The following CLIC5 variants were observed in gnomAD, a reference collection of about 807,000 sequenced individuals.
CLIC5 encodes chloride intracellular channel protein 5.
In CLIC5, 20 loss-of-function variants were observed where a neutral mutation model predicts 24.7. That is an observed-to-expected ratio of 0.81 (90% CI 0.57 to 1.18). CLIC5 has a LOEUF of 1.18. Among genes scored for constraint, CLIC5 ranks in the 50% most tolerant of loss-of-function variants. The pLI, the probability that CLIC5 is intolerant of heterozygous loss-of-function variation, is 0.00. For missense variants in CLIC5, 341 were observed against 326.1 expected, an observed-to-expected ratio of 1.05 and a Z score of -0.35; for synonymous variants, 159 against 135.6, an observed-to-expected ratio of 1.17 and a Z score of -1.20.
upstream of CLIC5, among the ~76,000 whole-genome samples, chr6:46,017,926 C>T (rs559825676): frequency 2.0e-5 from 3 of 152,328 alleles, no homozygotes; most frequent in Admixed American, 6.5e-5. Context: ...CCAAGCCCAA[C>T]GTGCAACTCT....
chr6:45,897,199 C>T (rs1398635039), downstream of CLIC5, among the ~76,000 whole-genome samples: 1 of 152,158 alleles, frequency 6.6e-6, no homozygotes, highest in Non-Finnish European at 1.5e-5. Flanking sequence ...GCCTCATACC[C>T]ACAATCAGAA....
At chr6:46,024,048 G>A (rs1182473140) in intron 1 of CLIC5, among the ~76,000 whole-genome samples, 4 of 152,242 alleles carry the variant, frequency 2.6e-5, no homozygotes, top group East Asian at 1.9e-4. Context: ...GGGTTGGGGG[G>A]AAAGCAAGGT....
At chr6:46,000,292 T>G (rs1354044674) in intron 1 of CLIC5, among the ~76,000 whole-genome samples, 1 of 152,164 alleles carries the variant, frequency 6.6e-6, no homozygotes, top group Non-Finnish European at 1.5e-5. Context: ...TAACTGTATA[T>G]ATGTAAAACA....
At chr6:46,123,212 C>A in the CLIC5 span, 1 of 152,192 alleles carries the variant, frequency 6.6e-6, no homozygotes, top group African/African-American at 2.4e-5. Context: ...AATCCAGCAG[C>A]ACATCAAAAA....
intron 6 of CLIC5, among the ~76,000 whole-genome samples, chr6:45,893,043 C>G (rs1762366451): frequency 6.6e-6 from 1 of 152,176 alleles, no homozygotes; most frequent in Admixed American, 6.5e-5. Context: ...AATTAAATAA[C>G]CACACGATAG....
the CLIC5 span, among the ~76,000 whole-genome samples, chr6:46,127,401 T>C: frequency 6.6e-6 from 1 of 152,228 alleles, no homozygotes; most frequent in African/African-American, 2.4e-5. Flanking sequence ...TTTAGACTAT[T>C]GCCTCTAATT....
At chr6:46,118,752 C>A in the CLIC5 span, among the ~76,000 whole-genome samples, 3 of 152,118 alleles carry the variant, frequency 2.0e-5, no homozygotes, top group African/African-American at 7.2e-5. Context: ...TATCTTGGTG[C>A]CTTTGTCAAT....
At chr6:45,931,333 A>G (rs1217566943) in intron 4 of CLIC5, among the ~76,000 whole-genome samples, 1 of 152,184 alleles carries the variant, frequency 6.6e-6, no homozygotes, top group Non-Finnish European at 1.5e-5. Flanking sequence ...CAGAGTTGCT[A>G]TTTACTGGAA....
chr6:46,027,518 T>C (rs530022330), intron 1 of CLIC5, among the ~76,000 whole-genome samples: 1 of 152,340 alleles, frequency 6.6e-6, no homozygotes, highest in Non-Finnish European at 1.5e-5. Flanking sequence ...AATACATCGT[T>C]GGAGAAAATC....
At chr6:45,961,890 C>T (rs1764854831) in intron 1 of CLIC5, among the ~76,000 whole-genome samples, 1 of 152,116 alleles carries the variant, frequency 6.6e-6, no homozygotes, top group African/African-American at 2.4e-5. Context: ...AGATCCTCAA[C>T]ATTTATCTAA....
chr6:46,033,686 A>T, intron 1 of CLIC5, among the ~76,000 whole-genome samples: 1 of 152,202 alleles, frequency 6.6e-6, no homozygotes, highest in Non-Finnish European at 1.5e-5. Flanking sequence ...AGGGTGGGGG[A>T]ATTAACATCA....
At chr6:46,128,966 G>A in the CLIC5 span, among the ~76,000 whole-genome samples, 41 of 152,178 alleles carry the variant, frequency 2.7e-4, no homozygotes, top group African/African-American at 9.7e-4. Context: ...TCAGACCAAG[G>A]GGACCAACGT....
intron 1 of CLIC5, among the ~76,000 whole-genome samples, chr6:46,027,879 T>A (rs992984570): frequency 2.0e-5 from 3 of 152,184 alleles, no homozygotes; most frequent in African/African-American, 7.2e-5. Context: ...TTATGCTTTT[T>A]AAAAAAATTG....
rs373938611 is a variant in CLIC5 at position 46,023,735 on chromosome 6, A to G, written c.540+55968T>C. Among the ~76,000 whole-genome samples, 4 of 152,330 alleles carry G rather than the reference A, an allele frequency of 2.6e-5. No individual in the cohort carries two copies. In the East Asian group the frequency reaches 5.8e-4, roughly 22 times the overall value. ...GTCATCTTCTGTTGCATCACCGTGC[A>G]TTTTTGGCAGGATTTACTGCTCTGG... On this transcript the variant is annotated intron_variant, in intron 1 of 5. Transcript: ENST00000185206.
the CLIC5 span, among the ~76,000 whole-genome samples, chr6:46,125,540 C>T: frequency 3.3e-5 from 5 of 151,932 alleles, no homozygotes; most frequent in Non-Finnish European, 5.9e-5. Context: ...CAAACTTGCA[C>T]GTTGTGCACA....
the CLIC5 span, among the ~76,000 whole-genome samples, chr6:46,094,466 T>A: frequency 6.6e-6 from 1 of 152,304 alleles, no homozygotes; most frequent in South Asian, 2.1e-4. Flanking sequence ...GATATAGGCA[T>A]TGGGTAAATA....
intron 4 of CLIC5, among the ~76,000 whole-genome samples, chr6:45,922,188 A>C (rs925982106): frequency 3.3e-5 from 5 of 152,192 alleles, no homozygotes; most frequent in African/African-American, 9.6e-5. Context: ...GATGAATTAA[A>C]TGACAAGCTC....
At chr6:46,088,654 AAAAG>A in the CLIC5 span, among the ~76,000 whole-genome samples, 4 of 152,318 alleles carry the variant, frequency 2.6e-5, no homozygotes, top group Admixed American at 6.5e-5. Context: ...TTCTTTTTTA[AAAAG>A]AAAGAAGACA....
downstream of CLIC5, chr6:45,880,972 A>C: frequency 5.1e-6 from 2 of 392,312 alleles, no homozygotes; most frequent in East Asian, 3.6e-5. Context: ...ACTAGAGGGA[A>C]TGGGGGGACG....
Sources: gnomAD v4.1 joint callset for allele counts (sites outside exome capture counted in the v4.1 genomes callset) on GRCh38, gnomAD v4.1.1 for gene constraint, MANE v1.5 for transcripts, NCBI Gene and HGNC (gene_info 2026-07-23, HGNC 2026-07-21) for gene names.